Variants in TSGA10 observed in about 807,000 individuals in gnomAD.
TSGA10 encodes testis specific 10.
In TSGA10, 43 loss-of-function variants were observed where a neutral mutation model predicts 96.6. That is an observed-to-expected ratio of 0.44 (90% CI 0.35 to 0.57). TSGA10 has a LOEUF of 0.57. TSGA10 is among the 20% of genes least tolerant of loss of function. The pLI, the probability that TSGA10 is intolerant of heterozygous loss-of-function variation, is 0.01. For missense variants in TSGA10, 703 were observed against 834.4 expected (o/e 0.84, Z 1.94); for synonymous variants, 229 against 269.9 (o/e 0.85, Z 1.48).
chr2:99,030,881 T>C (rs1357560686), intron 17 of TSGA10, among the ~76,000 whole-genome samples: 1 of 152,140 alleles, frequency 6.6e-6, no homozygotes, highest in African/African-American at 2.4e-5. Context: ...ACCACGTTCA[T>C]GAATTGGAGG....
chr2:99,110,467 A>G (rs79065006), intron 5 of TSGA10, among the ~76,000 whole-genome samples: 1,833 of 152,360 alleles, frequency 0.012, 40 homozygotes, highest in African/African-American at 0.042. Flanking sequence ...TAAATAAAAC[A>G]TTGTTTGGAA....
intron 16 of TSGA10, among the ~76,000 whole-genome samples, chr2:99,053,352 C>CAA (rs2083599202): frequency 7.0e-6 from 1 of 143,242 alleles, no homozygotes; most frequent in Admixed American, 7.0e-5. Flanking sequence ...TCAAAAATTT[C>CAA]CAAAAAAAAA....
chr2:99,028,726 C>G (rs1339595062), intron 17 of TSGA10, among the ~76,000 whole-genome samples: 1 of 151,814 alleles, frequency 6.6e-6, no homozygotes, highest in African/African-American at 2.4e-5. Context: ...CCCAGAAGGG[C>G]TCTTGTTAGC....
intron 10 of TSGA10, among the ~76,000 whole-genome samples, chr2:99,087,575 C>T (rs2088702872): frequency 6.6e-6 from 1 of 152,120 alleles, no homozygotes; most frequent in Non-Finnish European, 1.5e-5. Flanking sequence ...TTACTCCCAG[C>T]TACCTAGGAG....
At chr2:99,094,139 T>C (rs2089716909) in intron 10 of TSGA10, among the ~76,000 whole-genome samples, 1 of 151,858 alleles carries the variant, frequency 6.6e-6, no homozygotes, top group African/African-American at 2.4e-5. Context: ...CAAACAAAAA[T>C]ATGAAGTAGG....
At chr2:99,069,635 C>CAATAAATA (rs3069288) in intron 14 of TSGA10, among the ~76,000 whole-genome samples, 33,282 of 145,626 alleles carry the variant, frequency 0.23, 3,986 homozygotes, top group Admixed American at 0.29. Flanking sequence ...CCCAACTCTA[C>CAATAAATA]AATAAATAAA....
At chr2:99,013,339 T>A (rs954142030) in intron 20 of TSGA10, among the ~76,000 whole-genome samples, 9 of 152,094 alleles carry the variant, frequency 5.9e-5, no homozygotes, top group African/African-American at 1.4e-4. Flanking sequence ...TAATAATAAT[T>A]ATTAATTTTT....
chr2:99,007,471 G>C (rs2078604858), intron 20 of TSGA10, among the ~76,000 whole-genome samples: 1 of 152,000 alleles, frequency 6.6e-6, no homozygotes, highest in South Asian at 2.1e-4. Context: ...ACTAATACCA[G>C]ACAAAGTAGA....
rs973123942 is a variant in TSGA10 at position 99,034,366 on chromosome 2, C to T, written c.1614+864G>A. Among the ~76,000 whole-genome samples, 8 of 152,138 alleles carry T rather than the reference C, an allele frequency of 5.3e-5. No individual in the cohort carries two copies. The East Asian group carries it at 5.8e-4, about 11-fold the overall frequency. On this transcript the variant is annotated intron_variant, in intron 17 of 20. Transcript: ENST00000393483. The stretch of plus-strand genomic sequence containing the variant: ...GCAGTGAGCCGAGATCATGCCACTG[C>T]ACTCCAGCCTGGCGACAGAGTGAGA...
chr2:99,135,912 G>A (rs953079568), intron 1 of TSGA10, among the ~76,000 whole-genome samples: 2 of 149,516 alleles, frequency 1.3e-5, no homozygotes, highest in African/African-American at 2.4e-5. Context: ...GAGAGGCTGA[G>A]GCAGGAGAAT....
Position 99,078,626 on chromosome 2 carries a change from C to T in TSGA10, c.882+33G>A, listed in dbSNP as rs758146149. ...TTTAACATTTAACATTTCATTTAAA[C>T]GTTTCTTATAAACCACAGTTCTCAG... On this transcript the variant is annotated intron_variant, in intron 12 of 20. Transcript: ENST00000393483. 2.4e-5 allele frequency: 37 copies of T among 1,567,676 alleles called. No individual in the cohort carries two copies. The South Asian group carries it at 2.8e-4, about 12-fold the overall frequency.
At chr2:99,105,226 C>A (rs1222606553) in intron 9 of TSGA10, 133 bp downstream of exon 9, 4 of 660,674 alleles carry the variant, frequency 6.1e-6, no homozygotes, top group Non-Finnish European at 9.5e-6. Context: ...CTATAAAATA[C>A]CTTAAGTATT....
intron 11 of TSGA10, among the ~76,000 whole-genome samples, chr2:99,080,500 T>G (rs1242098724): frequency 6.6e-6 from 1 of 152,198 alleles, no homozygotes; most frequent in African/African-American, 2.4e-5. Flanking sequence ...AATATGTATC[T>G]TTCTCTTCTG....
chr2:99,123,966 G>A (rs1298952317), intron 2 of TSGA10, among the ~76,000 whole-genome samples: 3 of 152,154 alleles, frequency 2.0e-5, no homozygotes, highest in Non-Finnish European at 2.9e-5. Context: ...ACTGGAGTCC[G>A]TGTTTTCAAC....
chr2:99,114,619 T>G (rs2092097286), intron 4 of TSGA10, among the ~76,000 whole-genome samples: 1 of 152,208 alleles, frequency 6.6e-6, no homozygotes, highest in South Asian at 2.1e-4. Context: ...AAATACTCTT[T>G]GCCAAACCAG....
chr2:99,019,853 C>T (rs1431420184), intron 18 of TSGA10, among the ~76,000 whole-genome samples: 1 of 152,134 alleles, frequency 6.6e-6, no homozygotes, highest in Non-Finnish European at 1.5e-5. Flanking sequence ...CCTGGGAAGT[C>T]TTCTGTATTT....
In TSGA10 at chr2:99,068,884, A is replaced by C. The variant is rs145023979; in HGVS notation, c.1218+4T>G. 8,072 of 1,378,796 alleles carry C rather than the reference A, an allele frequency of 5.9e-3. 33 individuals carry two copies. Among genetic ancestry groups the C allele is most frequent in the Middle Eastern group, 1.0e-2 (53 of 5,318 alleles). 85.4% of individuals were successfully genotyped at this position (1,378,796 alleles called of 1,614,324 possible). ...ATGAGCAAAAAGAAAAAAAAAATAC[A>C]TACTTCAGACTTTAATATATTCTTC... On this transcript the variant is annotated splice_donor_region_variant and intron_variant, in intron 15 of 20. Transcript: ENST00000393483.
intron 16 of TSGA10, among the ~76,000 whole-genome samples, chr2:99,052,604 G>A (rs1472658391): frequency 6.6e-6 from 1 of 151,990 alleles, no homozygotes; most frequent in Non-Finnish European, 1.5e-5. Context: ...CGGGCGTGGT[G>A]GCAGGCGCCT....
At chr2:99,141,589 C>G (rs1317648037) in intron 1 of TSGA10, 1 of 94,682 alleles carries the variant, frequency 1.1e-5, no homozygotes, top group East Asian at 4.1e-4. Context: ...CGCCTAGACG[C>G]CCGAGCCGAG....
Sources: gnomAD v4.1 joint callset for allele counts (sites outside exome capture counted in the v4.1 genomes callset) on GRCh38, gnomAD v4.1.1 for gene constraint, MANE v1.5 for transcripts, NCBI Gene and HGNC (gene_info 2026-07-23, HGNC 2026-07-21) for gene names.